Variants in CELSR1 observed in about 807,000 individuals in gnomAD.
CELSR1 encodes the protein adhesion G protein-coupled receptor C1.
A neutral mutation model predicts 249.1 loss-of-function variants in CELSR1; 110 were observed. The observed-to-expected ratio is 0.44, with a 90% CI of 0.38 to 0.52. CELSR1 has a LOEUF of 0.52. Ranked by LOEUF, CELSR1 falls within the 20% of genes least tolerant of loss-of-function variation. CELSR1 has a pLI of 0.00. For synonymous variants in CELSR1, 2,113 were observed against 1,900.0 expected, an observed-to-expected ratio of 1.11 and a Z score of -2.92; for missense variants, 4,109 against 4,296.4, an observed-to-expected ratio of 0.96 and a Z score of 1.22.
chr22:46,460,251 G>C lies in CELSR1; in HGVS notation c.4183+3456C>G, dbSNP rs115426225. Among the ~76,000 whole-genome samples the C allele has an allele frequency of 8.1e-3, 1,235 of 152,196 alleles. 18 individuals are homozygous for C. The highest frequency in any genetic ancestry group is 0.028 in the African/African-American group (1,177 of 41,512). On this transcript the variant is annotated intron_variant, in intron 2 of 34. Coordinates refer to ENST00000674500, the MANE Select transcript of CELSR1 (RefSeq NM_001378328.1). ...ACAGTCCCTGCCATCCTGGGGGACA[G>C]AGACATGGAAGTGTGTGAACCACAC... is the stretch of plus-strand genomic sequence containing the variant.
chr22:46,414,562 T>C (rs1419906746), intron 5 of CELSR1, among the ~76,000 whole-genome samples: 6 of 150,672 alleles, frequency 4.0e-5, no homozygotes, highest in Admixed American at 3.3e-4. Context: ...TCTCGGCGAG[T>C]GTGGGTTAAA....
chr22:46,378,499 G>A (rs544987004), intron 23 of CELSR1, 92 bp downstream of exon 23: 236 of 1,418,576 alleles, frequency 1.7e-4, no homozygotes, highest in African/African-American at 1.6e-3. Flanking sequence ...GTTTGAGGAC[G>A]GGCAGGTTTG....
chr22:46,456,901 G>A (rs985146154), intron 2 of CELSR1, among the ~76,000 whole-genome samples: 1 of 120,986 alleles, frequency 8.3e-6, no homozygotes, highest in Non-Finnish European at 1.7e-5. Flanking sequence ...TGGGGCGGGG[G>A]GTGGGGGGCT....
At chr22:46,492,980 G>A (rs1017537982) in intron 1 of CELSR1, among the ~76,000 whole-genome samples, 3 of 152,166 alleles carry the variant, frequency 2.0e-5, no homozygotes, top group Non-Finnish European at 2.9e-5. Flanking sequence ...AACAAAGCAC[G>A]TGTCTATAAT....
rs1389627409 is a variant in CELSR1, at chr22:46,391,305, GAA to G, written c.6149-20_6149-19del. ...GTAGATCACTGGGGTAGAGAAGAGA[GAA>G]GTCTGCTCAGCGGGGCACGCCACAC... On this transcript the variant is annotated intron_variant, in intron 15 of 34. Coordinates refer to ENST00000674500, the MANE Select transcript of CELSR1 (RefSeq NM_001378328.1). The surrounding 1 kb of genome is among the most constrained non-coding windows in gnomAD (Gnocchi z 4.3). 6.2e-7 allele frequency: 1 copy of G among 1,609,304 alleles called. No individual in the cohort carries two copies. Among genetic ancestry groups the G allele is most frequent in the Non-Finnish European group, 8.5e-7 (1 of 1,176,596 alleles).
intron 24 of CELSR1, among the ~76,000 whole-genome samples, chr22:46,376,094 T>C (rs937821620): frequency 2.6e-5 from 4 of 152,258 alleles, no homozygotes; most frequent in Non-Finnish European, 4.4e-5. Context: ...GTAGATGTCT[T>C]CATTAGATTA....
Position 46,411,323 on chromosome 22 carries a change from C to A in CELSR1, c.4769+279G>T, listed in dbSNP as rs948815648. On this transcript the variant is annotated intron_variant, in intron 6 of 34. Transcript: ENST00000674500. This position sits in a 1 kb window ranked among gnomAD's most constrained non-coding sequence, Gnocchi z 4.2. ...ATTTGCGGGGACAAAGCCAGTGATCCGTGGAGATGGGGCTGGAGACCGTCT... is the reference window on the plus strand; with the variant it reads ...ATTTGCGGGGACAAAGCCAGTGATCAGTGGAGATGGGGCTGGAGACCGTCT... 7.9e-5 allele frequency among the ~76,000 whole-genome samples: 12 copies of A among 152,136 alleles called. No individual in the cohort carries two copies. The highest frequency in any genetic ancestry group is 2.9e-4 in the African/African-American group (12 of 41,436).
At chr22:46,476,937 C>T (rs956403258) in intron 1 of CELSR1, among the ~76,000 whole-genome samples, 2 of 152,066 alleles carry the variant, frequency 1.3e-5, no homozygotes, top group African/African-American at 4.8e-5. Context: ...AGTTTCACCT[C>T]AATTTTTTTA....
rs1250200272 is a variant in CELSR1, at chr22:46,382,179, A to G, written c.6884-129T>C. The G allele has an allele frequency of 3.5e-6, 3 of 853,980 alleles. No homozygotes were observed. In the South Asian group the frequency reaches 5.6e-5, roughly 16 times the overall value. The allele number at this position is 853,980 out of a possible 1,614,324, so 52.9% of individuals were successfully genotyped here. A position where few individuals can be genotyped will look rare whatever the true frequency, so the allele number is the denominator to read the frequency against. ...CAGAAAACAGTACCGTGGGTCCCCA[A>G]AAAATCAAAAACAGGACTTATCACA... On this transcript the variant is annotated intron_variant, in intron 20 of 34. Coordinates refer to ENST00000674500, the MANE Select transcript of CELSR1 (RefSeq NM_001378328.1).
At chr22:46,476,903 A>G (rs1190081881) in intron 1 of CELSR1, among the ~76,000 whole-genome samples, 1 of 152,230 alleles carries the variant, frequency 6.6e-6, no homozygotes, top group East Asian at 1.9e-4. Context: ...TGTTCATTTT[A>G]AAGTGGTAAT....
At chr22:46,456,513 G>A (rs949564977) in intron 2 of CELSR1, among the ~76,000 whole-genome samples, 17 of 151,852 alleles carry the variant, frequency 1.1e-4, no homozygotes, top group Middle Eastern at 3.4e-3. Flanking sequence ...AATACAAAAA[G>A]TTAGCCAGGC....
rs1405923311 is a variant in CELSR1, at chr22:46,407,012, G to C, written c.5226+1984C>G. 6.6e-6 allele frequency among the ~76,000 whole-genome samples: 1 copy of C among 152,194 alleles called. No homozygotes were observed. The highest frequency in any genetic ancestry group is 1.5e-5 in the Non-Finnish European group (1 of 68,036). ...TTCCTGACCGCAGGAGCGGGGAGGG[G>C]GGGTCATCCTGGGAGAACAGGGTGA... is the stretch of plus-strand genomic sequence containing the variant. On this transcript the variant is annotated intron_variant, in intron 9 of 34. Transcript: ENST00000674500. This position sits in a 1 kb window ranked among gnomAD's most constrained non-coding sequence, Gnocchi z 4.8.
In CELSR1 at chr22:46,471,252, GTTTT is replaced by G. The variant is rs1312896189; in HGVS notation, c.3545-6911_3545-6908del. Among the ~76,000 whole-genome samples, 1 of 152,132 alleles carries G rather than the reference GTTTT, an allele frequency of 6.6e-6. No homozygotes were observed. Among genetic ancestry groups the G allele is most frequent in the Non-Finnish European group, 1.5e-5 (1 of 68,008 alleles). ...TGGTTCTGTCTGCATTGCTGATTTT[GTTTT>G]TTGTTTGTTTTTATAAAACTTAATT... is the stretch of plus-strand genomic sequence containing the variant. On this transcript the variant is annotated intron_variant, in intron 1 of 34. Transcript: ENST00000674500. This position sits in a 1 kb window ranked among gnomAD's most constrained non-coding sequence, Gnocchi z 4.9.
At chr22:46,424,131 A>G (rs992004101) in intron 5 of CELSR1, among the ~76,000 whole-genome samples, 8 of 152,140 alleles carry the variant, frequency 5.3e-5, no homozygotes, top group African/African-American at 1.9e-4. Context: ...CAGTGGTACA[A>G]TCATGGCTTA....
chr22:46,468,784 T>A lies in CELSR1; in HGVS notation c.3545-4439A>T, dbSNP rs1392968372. On this transcript the variant is annotated intron_variant, in intron 1 of 34. Transcript: ENST00000674500. The surrounding 1 kb of genome is among the most constrained non-coding windows in gnomAD (Gnocchi z 4.5). ...TGTGTATTTTACCACAATTACAAAT[T>A]TTTTTAATAGGCCAGTCTCAGTGGC... 6.6e-6 allele frequency among the ~76,000 whole-genome samples: 1 copy of A among 152,098 alleles called. No homozygotes were observed. The highest frequency in any genetic ancestry group is 1.5e-5 in the Non-Finnish European group (1 of 68,022).
At position 46,399,737 on chromosome 22, in the gene CELSR1, A is replaced by G. The variant is rs373344920; in HGVS notation, c.5392T>C (p.Leu1798=). The stretch of plus-strand genomic sequence containing the variant: ...CTCACCTGGTCCATCCCATAGTCCA[A>G]GGTCATGGTGACCAGGTGCTTCATC... ...SEMKHLVTMT[L]DYGMDQNKAD... Residue 1798 remains leucine (L), a synonymous_variant, in exon 10 of 35, where the codon TTG becomes CTG. Transcript: ENST00000674500. This position sits in a 1 kb window ranked among gnomAD's most constrained non-coding sequence, Gnocchi z 5.0. 80 of 1,613,892 alleles carry G rather than the reference A, an allele frequency of 5.0e-5. No homozygotes were observed. Among genetic ancestry groups the G allele is most frequent in the Non-Finnish European group, 6.2e-5 (73 of 1,179,894 alleles).
At chr22:46,420,623 C>A (rs2079459613) in intron 5 of CELSR1, among the ~76,000 whole-genome samples, 1 of 149,836 alleles carries the variant, frequency 6.7e-6, no homozygotes, top group African/African-American at 2.6e-5. Flanking sequence ...CTCACCTGTA[C>A]ACACTCACCT....
chr22:46,498,817 A>G (rs1046714805), intron 1 of CELSR1, among the ~76,000 whole-genome samples: 2 of 152,054 alleles, frequency 1.3e-5, no homozygotes, highest in Non-Finnish European at 1.5e-5. Flanking sequence ...GCCCCCTAAC[A>G]TTACCCCAAA....
At chr22:46,469,603 C>T (rs1212049052) in intron 1 of CELSR1, among the ~76,000 whole-genome samples, 1 of 152,068 alleles carries the variant, frequency 6.6e-6, no homozygotes, top group African/African-American at 2.4e-5. Context: ...GCAACCTCCA[C>T]CTCCCAAATT....
Sources: allele counts gnomAD v4.1 joint callset (sites outside exome capture counted in the v4.1 genomes callset), GRCh38; gene constraint gnomAD v4.1.1; non-coding constraint Gnocchi (gnomAD v3.1); transcripts MANE v1.5; gene names NCBI Gene and HGNC (gene_info 2026-07-23, HGNC 2026-07-21).